CNTN5: variants seen among roughly 807,000 people sequenced by gnomAD.
CNTN5 encodes contactin-5.
In CNTN5, 77 loss-of-function variants were observed where a neutral mutation model predicts 129.1. That is an observed-to-expected ratio of 0.60 (90% CI 0.50 to 0.72). The LOEUF is 0.72. Ranked by LOEUF, CNTN5 falls within the 30% of genes least tolerant of loss-of-function variation. CNTN5 has a pLI of 0.00. For missense variants in CNTN5, 1,478 were observed against 1,328.8 expected, an observed-to-expected ratio of 1.11 and a Z score of -1.75; for synonymous variants, 509 against 465.6, an observed-to-expected ratio of 1.09 and a Z score of -1.20.
At chr11:99,864,434 A>G (rs1430578391) in intron 6 of CNTN5, among the ~76,000 whole-genome samples, 1 of 151,784 alleles carries the variant, frequency 6.6e-6, no homozygotes, top group Non-Finnish European at 1.5e-5. Flanking sequence ...AACCCTCTCC[A>G]TATCTTATTT....
rs1464473962 is a variant in CNTN5 at position 100,038,217 on chromosome 11, C to A, written c.981-22995C>A. On this transcript the variant is annotated intron_variant, in intron 9 of 24. Coordinates refer to ENST00000524871, the MANE Select transcript of CNTN5 (RefSeq NM_014361.4). Reference sequence around the variant, plus strand: ...AACATCTTTATTTCTGCCTTCATTTCGTTATGTACCCAGTAGTCATTCAGG... The same window carrying A: ...AACATCTTTATTTCTGCCTTCATTTAGTTATGTACCCAGTAGTCATTCAGG... Among the ~76,000 whole-genome samples the A allele has an allele frequency of 5.3e-5, 8 of 151,028 alleles. No individual in the cohort carries two copies. The East Asian group carries it at 1.2e-3, about 22-fold the overall frequency.
Position 100,068,900 on chromosome 11 carries a change from G to A in CNTN5, c.1163-1524G>A, listed in dbSNP as rs189772819. On this transcript the variant is annotated intron_variant, in intron 10 of 24. Transcript: ENST00000524871. The stretch of plus-strand genomic sequence containing the variant: ...ACAAGTAACTAACTTTGTGACCTTG[G>A]GTAAATTTCTTTAACCTCTTTGAGT... Among the ~76,000 whole-genome samples, 13 of 152,138 alleles carry A rather than the reference G, an allele frequency of 8.5e-5. No individual in the cohort carries two copies. In the East Asian group the frequency reaches 2.3e-3, roughly 27 times the overall value.
chr11:99,470,820 T>TC (rs2135273452), intron 2 of CNTN5, among the ~76,000 whole-genome samples: 2 of 151,996 alleles, frequency 1.3e-5, no homozygotes, highest in South Asian at 4.2e-4. Context: ...ATTTATTTTT[T>TC]TTTATCATTA....
chr11:99,531,151 C>T (rs1377656367), intron 2 of CNTN5, among the ~76,000 whole-genome samples: 4 of 152,158 alleles, frequency 2.6e-5, no homozygotes. Context: ...AAGGTCCAGA[C>T]TGAGGTGGTC....
intron 3 of CNTN5, among the ~76,000 whole-genome samples, chr11:99,684,869 A>C (rs187929741): frequency 2.0e-5 from 3 of 151,504 alleles, no homozygotes; most frequent in African/African-American, 7.3e-5. Flanking sequence ...GTGATTCTTC[A>C]AAAATTTTAG....
At chr11:99,071,050 T>C (rs1226662460) in intron 1 of CNTN5, among the ~76,000 whole-genome samples, 1 of 152,148 alleles carries the variant, frequency 6.6e-6, no homozygotes, top group Non-Finnish European at 1.5e-5. Flanking sequence ...TGAAATACTC[T>C]TTAAGCAGCA....
At chr11:99,393,941 G>A (rs1448840804) in intron 2 of CNTN5, among the ~76,000 whole-genome samples, 1 of 151,566 alleles carries the variant, frequency 6.6e-6, no homozygotes, top group Non-Finnish European at 1.5e-5. Flanking sequence ...ATTAGTGAGA[G>A]AATAAAATGA....
intron 2 of CNTN5, among the ~76,000 whole-genome samples, chr11:99,434,236 T>G (rs1943513114): frequency 6.6e-6 from 1 of 152,146 alleles, no homozygotes; most frequent in Non-Finnish European, 1.5e-5. Flanking sequence ...AAATATATTT[T>G]GATGCAATTT....
At chr11:100,039,249 A>G (rs1045886318) in intron 9 of CNTN5, among the ~76,000 whole-genome samples, 3 of 152,192 alleles carry the variant, frequency 2.0e-5, no homozygotes, top group Non-Finnish European at 4.4e-5. Flanking sequence ...GCTGGATATG[A>G]AATTCTAGGT....
At chr11:99,513,111 T>A (rs543711780) in intron 2 of CNTN5, among the ~76,000 whole-genome samples, 1 of 152,264 alleles carries the variant, frequency 6.6e-6, no homozygotes, top group South Asian at 2.1e-4. Context: ...AAAGCTTTAT[T>A]GCCAATAGAG....
intron 6 of CNTN5, among the ~76,000 whole-genome samples, chr11:99,898,683 C>A (rs531128234): frequency 6.6e-6 from 1 of 151,980 alleles, no homozygotes; most frequent in African/African-American, 2.4e-5. Flanking sequence ...TATGTATTTT[C>A]ATTGTGTGGT....
chr11:100,046,304 C>A (rs924586671), intron 9 of CNTN5, among the ~76,000 whole-genome samples: 1 of 152,074 alleles, frequency 6.6e-6, no homozygotes, highest in African/African-American at 2.4e-5. Flanking sequence ...TAAAACAGTA[C>A]CAAGAGTAAC....
At chr11:99,775,762 A>G (rs1243161395) in intron 3 of CNTN5, among the ~76,000 whole-genome samples, 1 of 151,792 alleles carries the variant, frequency 6.6e-6, no homozygotes, top group Non-Finnish European at 1.5e-5. Flanking sequence ...AAGCATTAAT[A>G]TATTTTAAGT....
At chr11:99,324,427 A>G (rs1158547053) in intron 1 of CNTN5, among the ~76,000 whole-genome samples, 3 of 152,206 alleles carry the variant, frequency 2.0e-5, no homozygotes, top group African/African-American at 7.2e-5. Context: ...TGTCCTCACT[A>G]AATTTTTAGT....
rs546376101 is a variant in CNTN5 at position 99,937,541 on chromosome 11, C to T, written c.674-19265C>T. Among the ~76,000 whole-genome samples, 4 of 152,270 alleles carry T rather than the reference C, an allele frequency of 2.6e-5. No homozygotes were observed. The East Asian group carries it at 7.7e-4, about 29-fold the overall frequency. On this transcript the variant is annotated intron_variant, in intron 7 of 24. Coordinates refer to ENST00000524871, the MANE Select transcript of CNTN5 (RefSeq NM_014361.4). ...GGGCTGTGCTTCGGAGATGTGTGTG[C>T]TCAGGCTGCGGTTCAGGTTATGTCA...
At chr11:99,369,225 T>C (rs1939674397) in intron 2 of CNTN5, among the ~76,000 whole-genome samples, 1 of 146,206 alleles carries the variant, frequency 6.8e-6, no homozygotes, top group South Asian at 2.1e-4. Flanking sequence ...ATAATATATA[T>C]ATATGTATTT....
At chr11:99,997,847 C>T (rs1328637128) in intron 8 of CNTN5, among the ~76,000 whole-genome samples, 1 of 152,006 alleles carries the variant, frequency 6.6e-6, no homozygotes, top group Non-Finnish European at 1.5e-5. Flanking sequence ...AAGGCTGATT[C>T]AATATACGCA....
chr11:100,324,478 C>A (rs1011007618), intron 21 of CNTN5, among the ~76,000 whole-genome samples: 1 of 152,070 alleles, frequency 6.6e-6, no homozygotes, highest in African/African-American at 2.4e-5. Flanking sequence ...AAAGGACTTG[C>A]GTTCCTCAAA....
At chr11:99,763,429 T>A (rs2135291157) in intron 3 of CNTN5, among the ~76,000 whole-genome samples, 1 of 152,272 alleles carries the variant, frequency 6.6e-6, no homozygotes, top group Middle Eastern at 3.4e-3. Context: ...GCAATTTATC[T>A]TTTTAATATT....
Sources: gnomAD v4.1 joint callset for allele counts (sites outside exome capture counted in the v4.1 genomes callset) on GRCh38, gnomAD v4.1.1 for gene constraint, MANE v1.5 for transcripts, NCBI Gene and HGNC (gene_info 2026-07-23, HGNC 2026-07-21) for gene names.